PGCKA1: variants seen among roughly 807,000 people sequenced by gnomAD.
PGCKA1 encodes the protein PDCD10 and GCKIII kinases-associated protein 1.
the PGCKA1 span, among the ~76,000 whole-genome samples, chr4:37,516,723 A>G: frequency 6.6e-6 from 1 of 152,214 alleles, no homozygotes; most frequent in African/African-American, 2.4e-5. Flanking sequence ...ATAAAGTTCC[A>G]TGCATTTAAA....
the PGCKA1 span, among the ~76,000 whole-genome samples, chr4:37,507,276 A>G: frequency 2.6e-5 from 4 of 152,098 alleles, no homozygotes; most frequent in African/African-American, 9.7e-5. Flanking sequence ...GTTCATTGAT[A>G]TCCAATGTTA....
the PGCKA1 span, chr4:37,588,729 C>T: frequency 3.9e-5 from 28 of 713,476 alleles, no homozygotes; most frequent in East Asian, 7.1e-4. Flanking sequence ...TATCCTTTTG[C>T]CAAAATGTGT....
At chr4:37,570,712 G>T in the PGCKA1 span, among the ~76,000 whole-genome samples, 3 of 152,218 alleles carry the variant, frequency 2.0e-5, no homozygotes, top group African/African-American at 7.2e-5. Flanking sequence ...AAATTTACAT[G>T]TTCCATTCTA....
chr4:37,587,083 C>G, the PGCKA1 span, among the ~76,000 whole-genome samples: 3 of 152,166 alleles, frequency 2.0e-5, no homozygotes, highest in African/African-American at 7.2e-5. Context: ...TGTTCCTTCC[C>G]TCTTCCAGCT....
the PGCKA1 span, among the ~76,000 whole-genome samples, chr4:37,469,155 G>T: frequency 6.6e-6 from 1 of 152,148 alleles, no homozygotes; most frequent in Non-Finnish European, 1.5e-5. Context: ...ATCTAGCCTA[G>T]CTGTGTAGTA....
chr4:37,462,071 G>A, the PGCKA1 span, among the ~76,000 whole-genome samples: 1 of 150,722 alleles, frequency 6.6e-6, no homozygotes. Flanking sequence ...TTTAAAGGCA[G>A]CTTCCCCCAT....
At chr4:37,570,174 A>G in the PGCKA1 span, among the ~76,000 whole-genome samples, 2 of 59,468 alleles carry the variant, frequency 3.4e-5, no homozygotes, top group Admixed American at 3.7e-4. Flanking sequence ...TTTTTTTTGT[A>G]TTTTTAGTAG....
chr4:37,492,461 G>C, the PGCKA1 span, among the ~76,000 whole-genome samples: 1 of 152,182 alleles, frequency 6.6e-6, no homozygotes, highest in African/African-American at 2.4e-5. The surrounding 1 kb of genome is among the most constrained non-coding windows in gnomAD (Gnocchi z 4.7). Flanking sequence ...TCCAATGTCA[G>C]TGTCTTCAGG....
the PGCKA1 span, among the ~76,000 whole-genome samples, chr4:37,569,513 T>G: frequency 6.6e-6 from 1 of 152,098 alleles, no homozygotes; most frequent in East Asian, 1.9e-4. Context: ...GGAGGTGGAT[T>G]TCTTATACCT....
chr4:37,551,797 G>T, the PGCKA1 span, among the ~76,000 whole-genome samples: 7 of 152,182 alleles, frequency 4.6e-5, no homozygotes, highest in African/African-American at 1.7e-4. Context: ...CCTGCTTACT[G>T]CTCCCTTGTT....
chr4:37,569,628 T>C, the PGCKA1 span, among the ~76,000 whole-genome samples: 2 of 152,194 alleles, frequency 1.3e-5, no homozygotes, highest in Non-Finnish European at 2.9e-5. Context: ...TGATAGCAGA[T>C]TTTTCAGAAG....
At chr4:37,460,885 A>G in the PGCKA1 span, 1 of 399,216 alleles carries the variant, frequency 2.5e-6, no homozygotes, top group South Asian at 1.9e-5. Flanking sequence ...ATTATTTTTG[A>G]CGATTTCATC....
chr4:37,543,297 A>G, the PGCKA1 span, among the ~76,000 whole-genome samples: 16 of 151,956 alleles, frequency 1.1e-4, no homozygotes, highest in Admixed American at 5.2e-4. Flanking sequence ...TCTCCACTGA[A>G]CCCCCTGCCT....
the PGCKA1 span, among the ~76,000 whole-genome samples, chr4:37,483,232 G>C: frequency 6.6e-6 from 1 of 152,172 alleles, no homozygotes; most frequent in African/African-American, 2.4e-5. Flanking sequence ...TTTCATGATT[G>C]TAAGTTTCCC....
At chr4:37,560,644 C>CG in the PGCKA1 span, among the ~76,000 whole-genome samples, 24 of 151,872 alleles carry the variant, frequency 1.6e-4, no homozygotes, top group Non-Finnish European at 1.5e-5. Context: ...ACACCTTGCC[C>CG]CTACATCAAG....
the PGCKA1 span, among the ~76,000 whole-genome samples, chr4:37,552,258 C>T: frequency 1.3e-5 from 2 of 152,172 alleles, no homozygotes; most frequent in African/African-American, 4.8e-5. Flanking sequence ...TGCATGAAAC[C>T]CCTATCATGT....
the PGCKA1 span, among the ~76,000 whole-genome samples, chr4:37,470,840 T>C: frequency 6.6e-6 from 1 of 152,306 alleles, no homozygotes; most frequent in African/African-American, 2.4e-5. Context: ...TTTTGAGATG[T>C]AGAAAAGATC....
chr4:37,531,866 T>C, the PGCKA1 span, among the ~76,000 whole-genome samples: 1 of 123,338 alleles, frequency 8.1e-6, no homozygotes, highest in Non-Finnish European at 1.6e-5. Context: ...CAGTCCAGCC[T>C]GGGCGAAAGA....
chr4:37,462,018 G>A, the PGCKA1 span, among the ~76,000 whole-genome samples: 2 of 151,998 alleles, frequency 1.3e-5, no homozygotes, highest in African/African-American at 4.8e-5. Flanking sequence ...CTTTGCTACT[G>A]TAAAAGAAGG....
Sources: allele counts gnomAD v4.1 joint callset (sites outside exome capture counted in the v4.1 genomes callset), GRCh38; gene constraint gnomAD v4.1.1; non-coding constraint Gnocchi (gnomAD v3.1); transcripts MANE v1.5; gene names NCBI Gene and HGNC (gene_info 2026-07-23, HGNC 2026-07-21).